The following CACNA1C variants were observed in gnomAD, a reference collection of about 807,000 sequenced individuals.
CACNA1C encodes calcium voltage-gated channel subunit alpha1 C, also known as voltage-dependent L-type calcium channel subunit alpha-1C.
CACNA1C carries 30 observed loss-of-function variants against 229.0 expected under a neutral mutation model. The observed-to-expected ratio is 0.13, with a 90% confidence interval of 0.10 to 0.18. CACNA1C has a LOEUF of 0.18. CACNA1C is among the 10% of genes least tolerant of loss of function. The pLI is 1.00. For missense variants in CACNA1C, 1,658 were observed against 2,845.0 expected (o/e 0.58, Z 9.49); for synonymous variants, 1,114 against 1,132.5 (o/e 0.98, Z 0.33).
rs2429134 is a variant in CACNA1C at position 2,011,614 on chromosome 12, C to G, written c.139+40413C>G. ...ACCTCGGTTCATATCAAATGCGTAT[C>G]AAATCTTTACAAACATGTAGAAAAG... On this transcript the variant is annotated intron_variant, in intron 1 of 46. Coordinates refer to the CACNA1C transcript ENST00000682462. Among the ~76,000 whole-genome samples the G allele has an allele frequency of 5.7e-3, 868 of 152,298 alleles. 10 individuals are homozygous for G. The highest frequency in any genetic ancestry group is 0.02 in the African/African-American group (811 of 41,564).
rs1173745384 is a variant in CACNA1C at position 2,043,614 on chromosome 12, G to A, written c.140-71610G>A. On this transcript the variant is annotated intron_variant, in intron 1 of 46. Coordinates refer to the CACNA1C transcript ENST00000682462. ...GGCTGAGAAGCTCACTCTGCCATGTGCCCCAGAGGAGAAGAAAACAGAATA... is the reference window on the plus strand; with the variant it reads ...GGCTGAGAAGCTCACTCTGCCATGTACCCCAGAGGAGAAGAAAACAGAATA... Among the ~76,000 whole-genome samples, 4 of 150,562 alleles carry A rather than the reference G, an allele frequency of 2.7e-5. 1 individual carries two copies. In the Middle Eastern group the frequency reaches 0.01, roughly 389 times the overall value.
intron 9 of CACNA1C, among the ~76,000 whole-genome samples, chr12:2,539,911 A>G (rs893526256): frequency 6.6e-6 from 1 of 152,194 alleles, no homozygotes; most frequent in Non-Finnish European, 1.5e-5. Context: ...GCCAGCAAGT[A>G]CAGTACCCCA....
intron 3 of CACNA1C, among the ~76,000 whole-genome samples, chr12:2,367,630 CAG>C (rs1409718324): frequency 6.6e-6 from 1 of 151,936 alleles, no homozygotes; most frequent in Admixed American, 6.6e-5. Context: ...AATTAGGAAA[CAG>C]TATCAGAATA....
intron 3 of CACNA1C, among the ~76,000 whole-genome samples, chr12:2,203,995 CAAT>C (rs1028533862): frequency 6.6e-6 from 1 of 152,186 alleles, no homozygotes; most frequent in African/African-American, 2.4e-5. Flanking sequence ...TGCAAAACAA[CAAT>C]GTGATGAGTT....
At chr12:2,596,056 C>G in intron 20 of CACNA1C, 53 bp downstream of exon 20, 1 of 1,533,432 alleles carries the variant, frequency 6.5e-7, no homozygotes, top group Non-Finnish European at 8.8e-7. Context: ...TGTGCCAGGC[C>G]CACAGCTTCT....
intron 13 of CACNA1C, among the ~76,000 whole-genome samples, chr12:2,568,808 G>A (rs1281951730): frequency 6.6e-6 from 1 of 152,080 alleles, no homozygotes; most frequent in Admixed American, 6.5e-5. Context: ...TTCTGGAGAT[G>A]GAGGATGGTG....
At chr12:2,399,672 T>C (rs1160387380) in intron 3 of CACNA1C, among the ~76,000 whole-genome samples, 1 of 152,188 alleles carries the variant, frequency 6.6e-6, no homozygotes, top group Non-Finnish European at 1.5e-5. Context: ...CATGGGAGCA[T>C]GGTGAGCCAA....
At chr12:2,206,402 T>C (rs1287984218) in intron 3 of CACNA1C, among the ~76,000 whole-genome samples, 1 of 152,216 alleles carries the variant, frequency 6.6e-6, no homozygotes, top group African/African-American at 2.4e-5. Context: ...CTGTGAGATG[T>C]GGAAAGAGCT....
At chr12:2,213,139 C>A (rs1437118290) in intron 3 of CACNA1C, among the ~76,000 whole-genome samples, 1 of 152,090 alleles carries the variant, frequency 6.6e-6, no homozygotes, top group African/African-American at 2.4e-5. Context: ...CAGTCAGGAG[C>A]CAGCGCCTGC....
At chr12:2,411,602 C>A (rs1477957023) in intron 3 of CACNA1C, among the ~76,000 whole-genome samples, 1 of 152,214 alleles carries the variant, frequency 6.6e-6, no homozygotes, top group Non-Finnish European at 1.5e-5. Context: ...CAACCAAGAG[C>A]CCCTCGTTCA....
At chr12:2,337,423 C>T (rs1472047992) in intron 3 of CACNA1C, among the ~76,000 whole-genome samples, 1 of 152,212 alleles carries the variant, frequency 6.6e-6, no homozygotes, top group African/African-American at 2.4e-5. Context: ...CAGTGCTCAC[C>T]AGCCCTCCAG....
chr12:2,248,918 T>C (rs1390384850), intron 3 of CACNA1C, among the ~76,000 whole-genome samples: 2 of 152,176 alleles, frequency 1.3e-5, no homozygotes, highest in Non-Finnish European at 2.9e-5. Context: ...CTCACAGAGC[T>C]GCTATGAAGG....
At chr12:2,141,322 G>A (rs2094160255) in intron 3 of CACNA1C, among the ~76,000 whole-genome samples, 1 of 151,254 alleles carries the variant, frequency 6.6e-6, no homozygotes, top group African/African-American at 2.4e-5. Context: ...GAGGGTTACG[G>A]CCTTGACTTT....
chr12:2,396,905 GGCT>G (rs2098593995), intron 3 of CACNA1C, among the ~76,000 whole-genome samples: 1 of 152,264 alleles, frequency 6.6e-6, no homozygotes, highest in Admixed American at 6.5e-5. Context: ...GCCCAGGGCA[GGCT>G]GCTGCACTGT....
intron 2 of CACNA1C, among the ~76,000 whole-genome samples, chr12:2,118,996 C>T (rs898294764): frequency 6.6e-6 from 1 of 152,188 alleles, no homozygotes; most frequent in African/African-American, 2.4e-5. Context: ...ACTCGGGTTC[C>T]TCCCAGTTCA....
chr12:2,433,068 G>T (rs921675239), intron 3 of CACNA1C, among the ~76,000 whole-genome samples: 1 of 152,206 alleles, frequency 6.6e-6, no homozygotes, highest in Non-Finnish European at 1.5e-5. Context: ...TGTTCCACGC[G>T]TTTGACGTGT....
intron 4 of CACNA1C, among the ~76,000 whole-genome samples, chr12:2,456,919 T>A (rs141822976): frequency 4.9e-4 from 75 of 152,320 alleles, no homozygotes; most frequent in Middle Eastern, 3.4e-3. Context: ...ACCGCAGGTG[T>A]TCTTGTTTGT....
intron 9 of CACNA1C, among the ~76,000 whole-genome samples, chr12:2,538,947 A>G (rs2099862309): frequency 1.3e-5 from 2 of 152,186 alleles, no homozygotes; most frequent in South Asian, 4.1e-4. Context: ...AGGCCCCTGC[A>G]CCACCAGCTC....
chr12:2,179,074 T>C (rs2096753979), intron 3 of CACNA1C, among the ~76,000 whole-genome samples: 1 of 152,048 alleles, frequency 6.6e-6, no homozygotes, highest in Non-Finnish European at 1.5e-5. Context: ...AATAAATAAA[T>C]AAATAAATAA....
Sources: gnomAD v4.1 joint callset for allele counts (sites outside exome capture counted in the v4.1 genomes callset) on GRCh38, gnomAD v4.1.1 for gene constraint, MANE v1.5 for transcripts, NCBI Gene and HGNC (gene_info 2026-07-23, HGNC 2026-07-21) for gene names.